Variants in FRZB observed in about 807,000 individuals in gnomAD.
FRZB encodes secreted frizzled-related protein 3.
A neutral mutation model predicts 32.5 loss-of-function variants in FRZB; 34 were observed. The ratio of observed to expected loss-of-function variants is 1.05; its 90% confidence interval spans 0.80 to 1.39. The LOEUF is 1.39. Among genes scored for constraint, FRZB ranks in the 40% most tolerant of loss-of-function variants. The pLI is 0.00. For missense variants in FRZB, 423 were observed against 424.8 expected, an observed-to-expected ratio of 1.00 and a Z score of 0.04; for synonymous variants, 170 against 159.2, an observed-to-expected ratio of 1.07 and a Z score of -0.51.
chr2:182,850,501 C>T (rs547645730), intron 2 of FRZB, among the ~76,000 whole-genome samples: 2 of 152,278 alleles, frequency 1.3e-5, no homozygotes, highest in South Asian at 4.1e-4. Flanking sequence ...CTGGGCTTGG[C>T]TTATTTCATT....
At chr2:182,859,510 G>A (rs7592832) in intron 1 of FRZB, among the ~76,000 whole-genome samples, 6,169 of 152,182 alleles carry the variant, frequency 0.041, 332 homozygotes, top group African/African-American at 0.13. Flanking sequence ...GCGGAACACC[G>A]TGCTGAGAGA....
At chr2:182,856,735 C>T (rs1287372086) in intron 2 of FRZB, among the ~76,000 whole-genome samples, 1 of 151,964 alleles carries the variant, frequency 6.6e-6, no homozygotes, top group Non-Finnish European at 1.5e-5. Flanking sequence ...AAGGACACTA[C>T]ATAATGAAAA....
chr2:182,840,771 A>G (rs1695578379), intron 3 of FRZB, among the ~76,000 whole-genome samples: 1 of 152,096 alleles, frequency 6.6e-6, no homozygotes, highest in African/African-American at 2.4e-5. Flanking sequence ...TATAATCCAT[A>G]TCCCATTTTA....
In FRZB at chr2:182,834,897, C is replaced by CT. The variant is rs766595751; in HGVS notation, c.929dup (p.Ser311GlufsTer30). Reference sequence around the variant, plus strand: ...TCGAGTTCCTGCCAGACTTCTGACTCTGAGTGGAATCACTATTGCTAGAAT... The same window carrying CT: ...TCGAGTTCCTGCCAGACTTCTGACTCTTGAGTGGAATCACTATTGCTAGAAT... On this transcript the variant is annotated frameshift_variant, in exon 6 of 6. Transcript: ENST00000295113. LOFTEE classifies it high-confidence loss of function. 6.2e-7 allele frequency: 1 copy of CT among 1,613,400 alleles called. No homozygotes were observed. Among genetic ancestry groups the CT allele is most frequent in the African/African-American group, 1.3e-5 (1 of 74,854 alleles).
chr2:182,838,089 C>A (rs1025441060), intron 4 of FRZB, 78 bp from the exon 5 acceptor site: 3 of 1,094,790 alleles, frequency 2.7e-6, no homozygotes, highest in Non-Finnish European at 4.1e-6. Flanking sequence ...AGTACTTGAA[C>A]AAGAAAGACT....
At chr2:182,836,816 G>A (rs902658758) in intron 5 of FRZB, among the ~76,000 whole-genome samples, 10 of 152,142 alleles carry the variant, frequency 6.6e-5, no homozygotes, top group East Asian at 1.9e-4. Flanking sequence ...GAGAATGCCC[G>A]CAAGTCTGAA....
intron 2 of FRZB, among the ~76,000 whole-genome samples, chr2:182,847,167 C>T (rs1295085135): frequency 2.0e-5 from 3 of 152,232 alleles, no homozygotes; most frequent in African/African-American, 7.2e-5. Context: ...ACATGTGATA[C>T]ATGACATGAA....
At chr2:182,857,841 GCAAAATTATTGAACATTTTAC>G (rs1258947286) in intron 2 of FRZB, among the ~76,000 whole-genome samples, 1 of 151,918 alleles carries the variant, frequency 6.6e-6, no homozygotes, top group East Asian at 1.9e-4. Context: ...CTTAAAATGG[GCAAAATTATTGAACATTTTAC>G]CAAAAAGCAT....
chr2:182,841,273 A>C (rs1559047040), intron 3 of FRZB, among the ~76,000 whole-genome samples: 1 of 152,152 alleles, frequency 6.6e-6, no homozygotes, highest in Non-Finnish European at 1.5e-5. Context: ...TGTTTTAAAG[A>C]GATTTAACTA....
intron 3 of FRZB, among the ~76,000 whole-genome samples, chr2:182,839,332 T>A (rs1264261188): frequency 6.6e-6 from 1 of 152,090 alleles, no homozygotes; most frequent in Admixed American, 6.6e-5. Context: ...GATTATCTTT[T>A]ATATTCTCCT....
intron 1 of FRZB, among the ~76,000 whole-genome samples, chr2:182,865,663 G>C (rs1012746293): frequency 1.3e-4 from 20 of 152,178 alleles, no homozygotes; most frequent in African/African-American, 4.6e-4. Context: ...CCTGATGACT[G>C]AGATTGCCTG....
At position 182,838,429 on chromosome 2, in the gene FRZB, A is replaced by G; in HGVS notation, c.777T>C (p.Tyr259=). 6.2e-7 allele frequency: 1 copy of G among 1,612,184 alleles called. No individual in the cohort carries two copies. The highest frequency in any genetic ancestry group is 1.1e-5 in the South Asian group (1 of 91,050). ...NVNEEYIIMG[Y]EDEERSRLLL... is the part of the protein sequence containing the mutation. ...ATTACCTGGAACGTTCCTCATCTTC[A>G]TAGCCCATGATGATATATTCCTCAT... The change falls in exon 4 of 6, where the codon TAT becomes TAC. Residue 259 remains tyrosine (Y), a synonymous_variant. Coordinates refer to ENST00000295113, the MANE Select transcript of FRZB (RefSeq NM_001463.4).
At chr2:182,837,810 T>C in intron 5 of FRZB, 138 bp downstream of exon 5, 1 of 636,180 alleles carries the variant, frequency 1.6e-6, no homozygotes, top group South Asian at 2.0e-5. Flanking sequence ...GCTCTTGGAG[T>C]ATATAAATAT....
chr2:182,863,293 C>T (rs1695854791), intron 1 of FRZB, among the ~76,000 whole-genome samples: 1 of 152,142 alleles, frequency 6.6e-6, no homozygotes, highest in Non-Finnish European at 1.5e-5. Flanking sequence ...CTGAATGACT[C>T]AATTGAGCTG....
rs1695888248 is a variant in FRZB, at chr2:182,866,171, G to A, written c.382C>T (p.His128Tyr). 6.2e-7 allele frequency: 1 copy of A among 1,613,998 alleles called. No homozygotes were observed. The highest frequency in any genetic ancestry group is 1.3e-5 in the African/African-American group (1 of 74,940). Residue 128 changes from histidine (H) to tyrosine (Y), a missense_variant, in exon 1 of 6, where the codon CAC (histidine) becomes TAC (tyrosine). Physicochemically the swap from His to Tyr is moderately conservative, Grantham distance 83. Transcript: ENST00000295113. This position sits in a 1 kb window ranked among gnomAD's most constrained non-coding sequence, Gnocchi z 4.5. ...GCEPILIKYR[H>Y]SWPENLACEE... ...CAGGCCAGGTTCTCCGGCCACGAGT[G>A]GCGGTACTTGATGAGTATGGGCTCA...
Position 182,834,865 on chromosome 2 carries a change from C to A in FRZB, c.962G>T (p.Arg321Leu), listed in dbSNP as rs150679557. ...TTTCGGGATTTAGTTGCGTGCTTGC[C>A]GGGGGTTCGAGTTCCTGCCAGACTT... ...SQKSGRNSNP[R>L]QARN Residue 321 changes from arginine to leucine, a missense_variant, in exon 6 of 6, where the codon CGG becomes CTG. Physicochemically the swap from Arg to Leu is moderately radical, Grantham distance 102. Coordinates refer to ENST00000295113, the MANE Select transcript of FRZB (RefSeq NM_001463.4). The A allele has an allele frequency of 1.2e-6, 2 of 1,612,766 alleles. No homozygotes were observed. Among genetic ancestry groups the A allele is most frequent in the South Asian group, 2.2e-5 (2 of 91,044 alleles).
At position 182,866,324 on chromosome 2, in the gene FRZB, C is replaced by T; in HGVS notation, c.229G>A (p.Gly77Ser). The change falls in exon 1 of 6, where the codon GGC (glycine) becomes AGC (serine). Residue 77 changes from glycine (G) to serine (S), a missense_variant. By Grantham distance (56) the Gly-to-Ser change is moderately conservative. Coordinates refer to ENST00000295113, the MANE Select transcript of FRZB (RefSeq NM_001463.4). The surrounding 1 kb of genome is among the most constrained non-coding windows in gnomAD (Gnocchi z 4.5). Reference sequence around the variant, plus strand: ...AGCAGATCGGGGCTGCAGTGGGTGCCCAGCAGACCTTCGAACTGCTCGATG... The same window carrying T: ...AGCAGATCGGGGCTGCAGTGGGTGCTCAGCAGACCTTCGAACTGCTCGATG... ...LAIEQFEGLL[G>S]THCSPDLLFF... 6.2e-7 allele frequency: 1 copy of T among 1,614,216 alleles called. No individual in the cohort carries two copies. The highest frequency in any genetic ancestry group is 1.1e-5 in the South Asian group (1 of 91,080).
Position 182,838,007 on chromosome 2 carries a change from G to A in FRZB, c.802C>T (p.Leu268Phe). The change falls in exon 5 of 6, where the codon CTC becomes TTC. Residue 268 changes from leucine (L) to phenylalanine (F), a missense_variant. Coordinates refer to ENST00000295113, the MANE Select transcript of FRZB (RefSeq NM_001463.4). ...GYEDEERSRL[L>F]LVEGSIAEKW... Reference sequence around the variant, plus strand: ...TCAGCTATAGAGCCTTCCACCAAGAGTAATCTGTATTTTTGAAAGAAGCAA... The same window carrying A: ...TCAGCTATAGAGCCTTCCACCAAGAATAATCTGTATTTTTGAAAGAAGCAA... 6.2e-7 allele frequency: 1 copy of A among 1,610,218 alleles called. No individual in the cohort carries two copies. Among genetic ancestry groups the A allele is most frequent in the East Asian group, 2.2e-5 (1 of 44,782 alleles).
chr2:182,855,597 T>C (rs1695759631), intron 2 of FRZB, among the ~76,000 whole-genome samples: 1 of 152,044 alleles, frequency 6.6e-6, no homozygotes, highest in Non-Finnish European at 1.5e-5. Context: ...AATTACCTAA[T>C]CTAAACAAGA....
Sources: gnomAD v4.1 joint callset for allele counts (sites outside exome capture counted in the v4.1 genomes callset) on GRCh38, gnomAD v4.1.1 for gene constraint, Gnocchi (gnomAD v3.1) non-coding constraint, MANE v1.5 for transcripts, NCBI Gene and HGNC (gene_info 2026-07-23, HGNC 2026-07-21) for gene names.